Variants in PDXK observed in about 807,000 individuals in gnomAD.
PDXK encodes the protein pyridoxal kinase, also known as epididymis secretory sperm binding protein Li 1a.
Under a neutral mutation model 43.2 loss-of-function variants are expected in PDXK, and 15 were observed. The observed-to-expected ratio is 0.35, with a 90% CI of 0.23 to 0.53. The LOEUF is 0.53. Ranked by LOEUF, PDXK falls within the 20% of genes least tolerant of loss-of-function variation. PDXK has a pLI of 0.92. For missense variants in PDXK, 343 were observed against 417.0 expected (o/e 0.82, Z 1.54); for synonymous variants, 172 against 165.4 (o/e 1.04, Z -0.31).
At position 43,732,790 on chromosome 21, in the gene PDXK, C is replaced by G; in HGVS notation, c.88-1279C>G. On this transcript the variant is annotated intron_variant, in intron 1 of 10. Transcript: ENST00000291565. The surrounding 1 kb of genome is among the most constrained non-coding windows in gnomAD (Gnocchi z 4.1). ...TGAGACATATTCTCACTCCGTCACCCAGGCTAGAGTGCAGTGGTGCCATCA... is the reference window on the plus strand; with the variant it reads ...TGAGACATATTCTCACTCCGTCACCGAGGCTAGAGTGCAGTGGTGCCATCA... The G allele has an allele frequency of 1.7e-6, 1 of 598,124 alleles. No homozygotes were observed. Among genetic ancestry groups the G allele is most frequent in the Non-Finnish European group, 2.9e-6 (1 of 340,222 alleles). The allele number at this position is 598,124 out of a possible 1,614,324, so 37.1% of individuals were successfully genotyped here.
intron 1 of PDXK, among the ~76,000 whole-genome samples, chr21:43,726,270 CTTTTTTTTTTTT>C (rs1182376121): frequency 1.7e-5 from 2 of 116,810 alleles, no homozygotes; most frequent in Non-Finnish European, 3.5e-5. Context: ...TTTTCTTTTT[CTTTTTTTTTTTT>C]TTTTTTTTGA....
chr21:43,736,113 T>G (rs900436747), intron 2 of PDXK, among the ~76,000 whole-genome samples: 2 of 152,118 alleles, frequency 1.3e-5, no homozygotes, highest in Admixed American at 6.5e-5. Flanking sequence ...GTTTTTTGAG[T>G]TTTTTTGTTG....
chr21:43,755,531 C>G (rs1001118756), intron 9 of PDXK, 167 bp from the exon 10 acceptor site: 1 of 655,208 alleles, frequency 1.5e-6, no homozygotes, highest in Admixed American at 2.3e-5. Context: ...GTGGGCAGTC[C>G]GCAGCCTGTC....
At chr21:43,736,999 A>G (rs533151529) in intron 2 of PDXK, 4 of 702,694 alleles carry the variant, frequency 5.7e-6, no homozygotes, top group South Asian at 1.5e-5. Context: ...AAGTGGCGCA[A>G]CCAGCTCACT....
chr21:43,743,655 T>A lies in PDXK; in HGVS notation c.248-69T>A. Reference sequence around the variant, plus strand: ...TGCAGGGTCTGCTGGTGCTTCTCTTTCTTTGTGCCACAGTTGATCGTGGTG... The same window carrying A: ...TGCAGGGTCTGCTGGTGCTTCTCTTACTTTGTGCCACAGTTGATCGTGGTG... On this transcript the variant is annotated intron_variant, in intron 3 of 10. Coordinates refer to ENST00000291565, the MANE Select transcript of PDXK (RefSeq NM_003681.5). 4 of 1,152,164 alleles carry A rather than the reference T, an allele frequency of 3.5e-6. No individual in the cohort carries two copies. The South Asian group carries it at 5.0e-5, about 14-fold the overall frequency. The allele number at this position is 1,152,164 out of a possible 1,614,324, so 71.4% of individuals were successfully genotyped here.
intron 1 of PDXK, among the ~76,000 whole-genome samples, chr21:43,727,238 T>G (rs78712622): frequency 0.12 from 18,756 of 152,202 alleles, 1,369 homozygotes; most frequent in African/African-American, 0.2. Flanking sequence ...GCGTGCCCAG[T>G]TCACAGAGTG....
Position 43,735,801 on chromosome 21 carries a change from G to T in PDXK, c.142+1678G>T, listed in dbSNP as rs1310708695. Among the ~76,000 whole-genome samples, 1 of 152,210 alleles carries T rather than the reference G, an allele frequency of 6.6e-6. No individual in the cohort carries two copies. On this transcript the variant is annotated intron_variant, in intron 2 of 10. Transcript: ENST00000291565. This position sits in a 1 kb window ranked among gnomAD's most constrained non-coding sequence, Gnocchi z 5.3. ...GCCCCCGGGTAGCTTCCCTAAGGCT[G>T]TCTCTGTGGCTCAGGGGCAACTCCC...
chr21:43,746,609 C>A (rs890331954), intron 5 of PDXK, among the ~76,000 whole-genome samples: 1 of 152,032 alleles, frequency 6.6e-6, no homozygotes, highest in East Asian at 1.9e-4. Flanking sequence ...TTACTAGATA[C>A]GATTTCACTG....
At chr21:43,752,699 A>G in intron 8 of PDXK, 70 bp downstream of exon 8, 3 of 978,450 alleles carry the variant, frequency 3.1e-6, no homozygotes, top group Non-Finnish European at 4.9e-6. Flanking sequence ...TGGGGCTGCA[A>G]GAATGTTTTG....
At chr21:43,736,575 G>A (rs2083406183) in intron 2 of PDXK, among the ~76,000 whole-genome samples, 1 of 151,928 alleles carries the variant, frequency 6.6e-6, no homozygotes, top group Non-Finnish European at 1.5e-5. Context: ...CTGGGATGAT[G>A]CTGCCAGGGA....
rs2083332260 is a variant in PDXK, at chr21:43,732,478, C to T, written c.88-1591C>T. On this transcript the variant is annotated intron_variant, in intron 1 of 10. Transcript: ENST00000291565. The surrounding 1 kb of genome is among the most constrained non-coding windows in gnomAD (Gnocchi z 4.1). ...CGGAGATGCCAGCCCAGGGGCTCAG[C>T]TTGCTCGTGCTCTCATTTAAAAGCA... 6.3e-7 allele frequency: 1 copy of T among 1,575,902 alleles called. No homozygotes were observed. The highest frequency in any genetic ancestry group is 1.3e-5 in the African/African-American group (1 of 74,204).
At chr21:43,752,407 G>A (rs934146207) in intron 7 of PDXK, 111 bp from the exon 8 acceptor site, 20 of 721,184 alleles carry the variant, frequency 2.8e-5, no homozygotes, top group Middle Eastern at 3.1e-4. Context: ...GTGACCGGCC[G>A]TGGCTGATGC....
chr21:43,745,781 A>G, intron 4 of PDXK: 2 of 376,636 alleles, frequency 5.3e-6, no homozygotes, highest in African/African-American at 2.0e-5. Context: ...AGGATCGCTT[A>G]AGCCTAGGAG....
intron 8 of PDXK, among the ~76,000 whole-genome samples, chr21:43,753,028 A>G (rs1482294772): frequency 6.6e-6 from 1 of 152,218 alleles, no homozygotes; most frequent in Non-Finnish European, 1.5e-5. Flanking sequence ...GTTCATACCC[A>G]TGGGCCCAAA....
chr21:43,741,832 C>A, intron 3 of PDXK, 61 bp downstream of exon 3: 1 of 1,133,756 alleles, frequency 8.8e-7, no homozygotes, highest in Non-Finnish European at 1.3e-6. Flanking sequence ...AGGGTGGGCT[C>A]AGGGAGGTCC....
At chr21:43,729,011 G>GT (rs1490929094) in intron 1 of PDXK, 1 of 985,514 alleles carries the variant, frequency 1.0e-6, no homozygotes, top group Admixed American at 6.1e-5. Flanking sequence ...ACGCCTGCAG[G>GT]TGGGGGAGCC....
rs140036439 is a variant in PDXK at position 43,733,480 on chromosome 21, C to T, written c.88-589C>T. 170 of 189,290 alleles carry T rather than the reference C, an allele frequency of 9.0e-4. 2 individuals carry two copies. The East Asian group carries it at 1.0e-2, about 11-fold the overall frequency. 11.7% of individuals were successfully genotyped at this position (189,290 alleles called of 1,614,324 possible). A position where few individuals can be genotyped will look rare whatever the true frequency, so the allele number is the denominator to read the frequency against. On this transcript the variant is annotated intron_variant, in intron 1 of 10. Coordinates refer to ENST00000291565, the MANE Select transcript of PDXK (RefSeq NM_003681.5). Reference sequence around the variant, plus strand: ...GGCCCTGGGAGATACAGGAAGGAGGCCCCCACTCCGTGGATTCCGTCCTTC... The same window carrying T: ...GGCCCTGGGAGATACAGGAAGGAGGTCCCCACTCCGTGGATTCCGTCCTTC...
chr21:43,724,872 A>G (rs1476794295), intron 1 of PDXK, among the ~76,000 whole-genome samples: 1 of 151,458 alleles, frequency 6.6e-6, no homozygotes, highest in African/African-American at 2.4e-5. Context: ...ATAAACATGT[A>G]TGGAAGTACA....
chr21:43,737,798 C>T lies in PDXK; in HGVS notation c.142+3675C>T, dbSNP rs1288789280. ...TGGGATCTGACAGGAGTGCCAGGCT[C>T]CTTGGGCCGCCCGAGGAACCGCTTG... On this transcript the variant is annotated intron_variant, in intron 2 of 10. Transcript: ENST00000291565. This position sits in a 1 kb window ranked among gnomAD's most constrained non-coding sequence, Gnocchi z 4.8. 4 of 985,370 alleles carry T rather than the reference C, an allele frequency of 4.1e-6. No individual in the cohort carries two copies. The highest frequency in any genetic ancestry group is 4.8e-6 in the Non-Finnish European group (4 of 829,952). The allele number at this position is 985,370 out of a possible 1,614,324, so 61.0% of individuals were successfully genotyped here.
Sources: allele counts gnomAD v4.1 joint callset (sites outside exome capture counted in the v4.1 genomes callset), GRCh38; gene constraint gnomAD v4.1.1; non-coding constraint Gnocchi (gnomAD v3.1); transcripts MANE v1.5; gene names NCBI Gene and HGNC (gene_info 2026-07-23, HGNC 2026-07-21).